COTL1: variants seen among roughly 807,000 people sequenced by gnomAD.
COTL1 encodes coactosin-like protein.
In COTL1, 15 loss-of-function variants were observed where a neutral mutation model predicts 16.5. The observed-to-expected ratio is 0.91, with a 90% confidence interval of 0.61 to 1.40. COTL1 has a LOEUF of 1.40. COTL1 is among the 40% of genes most tolerant of loss of function. The pLI is 0.00. For missense variants in COTL1, 220 were observed against 201.5 expected (o/e 1.09, Z -0.56); for synonymous variants, 112 against 85.3 (o/e 1.31, Z -1.73).
intron 2 of COTL1, chr16:84,595,721 T>C (rs8054420): frequency 0.61 from 92,261 of 152,098 alleles, 28,098 homozygotes; most frequent in South Asian, 0.69. Context: ...ATTAGTGTGA[T>C]ATGTGTGTGC....
At position 84,566,971 on chromosome 16, in the gene COTL1, A is replaced by G. The variant is rs545892235; in HGVS notation, c.319-16T>C. On this transcript the variant is annotated splice_polypyrimidine_tract_variant and intron_variant, in intron 3 of 3. Transcript: ENST00000262428. ...TAGCGAAATTCTGCAAGAACAAAGG[A>G]AAACACAGCGTTCCTATTAAGAAGG... 1.5e-5 allele frequency: 24 copies of G among 1,576,340 alleles called. No individual in the cohort carries two copies. The South Asian group carries it at 2.3e-4, about 15-fold the overall frequency.
At chr16:84,610,671 A>G (rs1317392171) in intron 2 of COTL1, among the ~76,000 whole-genome samples, 1 of 152,156 alleles carries the variant, frequency 6.6e-6, no homozygotes, top group Non-Finnish European at 1.5e-5. Flanking sequence ...ACATTGGTTG[A>G]CCAGGATTAT....
intron 2 of COTL1, among the ~76,000 whole-genome samples, chr16:84,600,679 T>C (rs1201127645): frequency 2.6e-5 from 4 of 152,210 alleles, no homozygotes; most frequent in African/African-American, 4.8e-5. Context: ...TGTTTCTGCA[T>C]TGGAGCTCAC....
chr16:84,568,678 T>G (rs1286496343), intron 3 of COTL1: 1 of 152,238 alleles, frequency 6.6e-6, no homozygotes, highest in Non-Finnish European at 1.5e-5. Flanking sequence ...GTTCTAAAAT[T>G]GGGATTGTGG....
intron 3 of COTL1, chr16:84,567,999 G>C (rs1425991266): frequency 1.3e-5 from 2 of 151,744 alleles, no homozygotes; most frequent in African/African-American, 4.8e-5. Flanking sequence ...CATAAACAAT[G>C]ACCACCATTT....
At chr16:84,594,338 C>G (rs1452036957) in intron 2 of COTL1, 3 of 152,422 alleles carry the variant, frequency 2.0e-5, no homozygotes, top group Non-Finnish European at 2.9e-5. Flanking sequence ...CAGGTGGCCA[C>G]AGCGCACAGG....
intron 2 of COTL1, among the ~76,000 whole-genome samples, chr16:84,598,193 T>C (rs1567537589): frequency 6.6e-6 from 1 of 152,154 alleles, no homozygotes. Context: ...AGAGAGAGTC[T>C]TGTTCATGAA....
chr16:84,617,808 G>C (rs752003141), intron 1 of COTL1, 30 bp downstream of exon 1: 5 of 1,552,956 alleles, frequency 3.2e-6, no homozygotes, highest in East Asian at 2.4e-5. Context: ...CCCGGGGAGC[G>C]GGGCGTGGAG....
At chr16:84,572,758 T>C (rs1904360554) in intron 3 of COTL1, among the ~76,000 whole-genome samples, 1 of 151,458 alleles carries the variant, frequency 6.6e-6, no homozygotes, top group Non-Finnish European at 1.5e-5. Context: ...CTTTCCTTTT[T>C]TTTCTTAGAC....
intron 2 of COTL1, among the ~76,000 whole-genome samples, chr16:84,607,717 A>G (rs747156950): frequency 5.5e-4 from 83 of 152,162 alleles, no homozygotes; most frequent in Admixed American, 1.2e-3. Context: ...TGGAAGTGGG[A>G]GGCGGGGGAG....
chr16:84,608,890 G>GCA (rs1378426475), intron 2 of COTL1, among the ~76,000 whole-genome samples: 3 of 152,166 alleles, frequency 2.0e-5, no homozygotes, highest in African/African-American at 4.8e-5. Flanking sequence ...GGGTGACAGG[G>GCA]CACGACCTTG....
intron 2 of COTL1, among the ~76,000 whole-genome samples, chr16:84,593,217 C>A (rs1444673674): frequency 6.6e-6 from 1 of 152,218 alleles, no homozygotes; most frequent in South Asian, 2.1e-4. Flanking sequence ...GGAAATGCCC[C>A]ACCAGGCCAT....
chr16:84,584,859 G>A (rs184073776), intron 3 of COTL1, among the ~76,000 whole-genome samples: 2 of 152,092 alleles, frequency 1.3e-5, no homozygotes, highest in East Asian at 3.9e-4. Context: ...TATACATCAG[G>A]TGACTGAGCC....
intron 3 of COTL1, among the ~76,000 whole-genome samples, chr16:84,587,260 AC>A (rs1285022290): frequency 6.6e-6 from 1 of 152,214 alleles, no homozygotes; most frequent in Non-Finnish European, 1.5e-5. Context: ...TACATGTGAA[AC>A]AAATGGCCTT....
chr16:84,602,442 G>C (rs13335031), intron 2 of COTL1, among the ~76,000 whole-genome samples: 39,318 of 151,354 alleles, frequency 0.26, 5,700 homozygotes, highest in East Asian at 0.42. Flanking sequence ...CCAATTCTTT[G>C]TCAGGATTTT....
At chr16:84,596,577 G>A (rs2150690567) in intron 2 of COTL1, 1 of 152,440 alleles carries the variant, frequency 6.6e-6, no homozygotes. Context: ...CATGCCCACT[G>A]GTGGCGTTTC....
intron 3 of COTL1, among the ~76,000 whole-genome samples, chr16:84,586,723 A>G (rs1904741269): frequency 6.6e-6 from 1 of 152,040 alleles, no homozygotes; most frequent in Non-Finnish European, 1.5e-5. Context: ...AGCTGGGACT[A>G]CAGGCCACGT....
At chr16:84,601,475 C>T (rs927864632) in intron 2 of COTL1, among the ~76,000 whole-genome samples, 8 of 152,030 alleles carry the variant, frequency 5.3e-5, no homozygotes, top group Non-Finnish European at 1.0e-4. Flanking sequence ...TTTATCCCCC[C>T]GAGACGGAGT....
At chr16:84,612,204 G>C (rs1263631829) in intron 2 of COTL1, among the ~76,000 whole-genome samples, 1 of 152,142 alleles carries the variant, frequency 6.6e-6, no homozygotes, top group Non-Finnish European at 1.5e-5. Context: ...CCACACTGTA[G>C]CAGGTTACCA....
Sources: gnomAD v4.1 joint callset for allele counts (sites outside exome capture counted in the v4.1 genomes callset) on GRCh38, gnomAD v4.1.1 for gene constraint, MANE v1.5 for transcripts, NCBI Gene and HGNC (gene_info 2026-07-23, HGNC 2026-07-21) for gene names.